Variants in TRPC4AP observed in about 807,000 individuals in gnomAD.
The protein encoded by TRPC4AP is short transient receptor potential channel 4-associated protein.
Under a neutral mutation model 99.0 loss-of-function variants are expected in TRPC4AP, and 45 were observed. The ratio of observed to expected loss-of-function variants is 0.45; its 90% CI spans 0.36 to 0.58. The LOEUF (loss-of-function observed/expected upper bound fraction) is 0.58. Ranked by LOEUF, TRPC4AP falls within the 20% of genes least tolerant of loss-of-function variation. The probability of loss-of-function intolerance (pLI) is 0.00; values close to 1 mark genes in which losing one functional copy is unlikely to be tolerated. For missense variants in TRPC4AP, 879 were observed against 985.3 expected (o/e 0.89, Z 1.44); for synonymous variants, 408 against 385.8 (o/e 1.06, Z -0.67).
At chr20:35,084,690 ATATATGTG>A (rs934245788) in intron 1 of TRPC4AP, among the ~76,000 whole-genome samples, 4 of 143,114 alleles carry the variant, frequency 2.8e-5, no homozygotes, top group Admixed American at 1.4e-4. Flanking sequence ...GTTTATATGC[ATATATGTG>A]TATATGTATA....
chr20:35,043,951 T>C (rs963158185), intron 7 of TRPC4AP, among the ~76,000 whole-genome samples: 1 of 152,328 alleles, frequency 6.6e-6, no homozygotes, highest in South Asian at 2.1e-4. Flanking sequence ...TTTGTAATTC[T>C]GATAAAAAGT....
intron 1 of TRPC4AP, among the ~76,000 whole-genome samples, chr20:35,086,551 G>A (rs796105097): frequency 0.03 from 2,370 of 79,596 alleles, 112 homozygotes; most frequent in Middle Eastern, 0.12. Context: ...GTGTGTGTGT[G>A]TGTGTGTGTG....
chr20:35,048,985 C>A (rs949886526), intron 6 of TRPC4AP, among the ~76,000 whole-genome samples: 2 of 152,156 alleles, frequency 1.3e-5, no homozygotes. Flanking sequence ...AAGAAATGAA[C>A]GCTGGGTTCA....
At chr20:35,069,163 C>T (rs896803896) in intron 3 of TRPC4AP, 133 bp downstream of exon 3, 1 of 625,734 alleles carries the variant, frequency 1.6e-6, no homozygotes, top group South Asian at 2.3e-5. Flanking sequence ...CATGTAAATG[C>T]CGCTAAGCTT....
chr20:35,016,228 T>C (rs914989399), intron 9 of TRPC4AP, 89 bp from the exon 10 acceptor site: 12 of 1,503,394 alleles, frequency 8.0e-6, no homozygotes, highest in South Asian at 1.2e-5. Flanking sequence ...GATAATGATA[T>C]TCAGGACAAG....
intron 1 of TRPC4AP, among the ~76,000 whole-genome samples, chr20:35,078,765 G>A (rs2084550437): frequency 6.6e-6 from 1 of 152,102 alleles, no homozygotes; most frequent in South Asian, 2.1e-4. Context: ...CATATAGATA[G>A]GTTAAAAGTA....
chr20:35,008,759 G>C lies in TRPC4AP; in HGVS notation c.1512-12C>G. On this transcript the variant is annotated splice_polypyrimidine_tract_variant and intron_variant, in intron 12 of 18. Transcript: ENST00000252015. Reference sequence around the variant, plus strand: ...CACACACCAAACTCCTGAAATAGAAGAGAGATATTGGTGACAGATCTGAGA... The same window carrying C: ...CACACACCAAACTCCTGAAATAGAACAGAGATATTGGTGACAGATCTGAGA... 2 of 1,612,440 alleles carry C rather than the reference G, an allele frequency of 1.2e-6. No individual in the cohort carries two copies. Among genetic ancestry groups the C allele is most frequent in the Non-Finnish European group, 1.7e-6 (2 of 1,178,796 alleles).
At chr20:35,060,625 T>G (rs1398868292) in intron 3 of TRPC4AP, among the ~76,000 whole-genome samples, 2 of 141,870 alleles carry the variant, frequency 1.4e-5, no homozygotes, top group East Asian at 2.0e-4. Flanking sequence ...AAAAGGATTA[T>G]ACACCATGAC....
chr20:35,008,497 T>C (rs764210486), intron 13 of TRPC4AP, among the ~76,000 whole-genome samples, 167 bp downstream of exon 13: 1 of 152,196 alleles, frequency 6.6e-6, no homozygotes, highest in Non-Finnish European at 1.5e-5. Flanking sequence ...CTCACATACC[T>C]GTCGAGTCAA....
intron 7 of TRPC4AP, among the ~76,000 whole-genome samples, chr20:35,035,625 C>CAT (rs1341419359): frequency 6.6e-6 from 1 of 152,140 alleles, no homozygotes; most frequent in Non-Finnish European, 1.5e-5. Context: ...AATAACCAGT[C>CAT]ATATTACACG....
chr20:35,086,465 GTGTGTGTGTGTA>G (rs1368175100), intron 1 of TRPC4AP, among the ~76,000 whole-genome samples: 14 of 116,138 alleles, frequency 1.2e-4, no homozygotes, highest in South Asian at 2.8e-4. Context: ...GTGTGTGTGT[GTGTGTGTGTGTA>G]TGTGTGTGTA....
At chr20:35,076,859 G>A (rs1205652103) in intron 2 of TRPC4AP, among the ~76,000 whole-genome samples, 1 of 152,208 alleles carries the variant, frequency 6.6e-6, no homozygotes, top group African/African-American at 2.4e-5. Flanking sequence ...CCTGCTCCCA[G>A]AGGTGGAGTC....
chr20:35,034,993 T>C, intron 8 of TRPC4AP, 130 bp downstream of exon 8: 1 of 966,944 alleles, frequency 1.0e-6, no homozygotes, highest in Non-Finnish European at 1.5e-6. Context: ...AGTCATGGTC[T>C]AGAATTGCCT....
chr20:35,005,315 C>T (rs892323381), intron 16 of TRPC4AP, among the ~76,000 whole-genome samples: 2 of 152,160 alleles, frequency 1.3e-5, no homozygotes, highest in East Asian at 1.9e-4. Context: ...AAAGGAAACG[C>T]GTGCGCATAC....
rs149925769 is a variant in TRPC4AP, at chr20:35,078,249, C to T, written c.169-75G>A. On this transcript the variant is annotated intron_variant, in intron 1 of 18. Transcript: ENST00000252015. ...AGCTGATACGGCAAAGGAGAGCAGC[C>T]GACTTCCAAACCCACCCAGGACAGT... 2.6e-4 allele frequency: 392 copies of T among 1,517,442 alleles called. 3 individuals are homozygous for T. The African/African-American group carries it at 4.2e-3, about 16-fold the overall frequency. 94.0% of individuals were successfully genotyped at this position (1,517,442 alleles called of 1,614,324 possible). A position where few individuals can be genotyped will look rare whatever the true frequency, so the allele number is the denominator to read the frequency against.
At chr20:35,047,358 A>T (rs1246960864) in intron 6 of TRPC4AP, among the ~76,000 whole-genome samples, 1 of 152,230 alleles carries the variant, frequency 6.6e-6, no homozygotes, top group African/African-American at 2.4e-5. Context: ...GCTTTATGAA[A>T]ATGATATACT....
At chr20:35,028,586 C>G (rs73273811) in intron 8 of TRPC4AP, among the ~76,000 whole-genome samples, 6,712 of 152,144 alleles carry the variant, frequency 0.044, 489 homozygotes, top group African/African-American at 0.15. Context: ...TTTTAACAGC[C>G]TAGCATATGG....
chr20:35,039,159 C>G (rs1002257705), intron 7 of TRPC4AP, among the ~76,000 whole-genome samples: 2 of 152,192 alleles, frequency 1.3e-5, no homozygotes, highest in African/African-American at 4.8e-5. Context: ...GATTTTTACT[C>G]TTATACTTCT....
chr20:35,020,657 C>G (rs942433147), intron 9 of TRPC4AP, among the ~76,000 whole-genome samples: 3 of 152,138 alleles, frequency 2.0e-5, no homozygotes, highest in African/African-American at 7.2e-5. Context: ...CAGGAAAAGG[C>G]TACTTCTCAA....
Sources: allele counts gnomAD v4.1 joint callset (sites outside exome capture counted in the v4.1 genomes callset), GRCh38; gene constraint gnomAD v4.1.1; transcripts MANE v1.5; gene names NCBI Gene and HGNC (gene_info 2026-07-23, HGNC 2026-07-21).